The following MED13L variants were observed in gnomAD, a reference collection of about 807,000 sequenced individuals.
MED13L encodes mediator complex subunit 13L.
In MED13L, 7 loss-of-function variants were observed where a neutral mutation model predicts 220.9. The ratio of observed to expected loss-of-function variants is 0.03; its 90% CI spans 0.02 to 0.06. The LOEUF is 0.06. Ranked by LOEUF, MED13L falls within the 10% of genes least tolerant of loss-of-function variation. MED13L has a pLI of 1.00. For synonymous variants in MED13L, 1,011 were observed against 1,015.2 expected, an observed-to-expected ratio of 1.00 and a Z score of 0.08; for missense variants, 1,965 against 2,760.5, an observed-to-expected ratio of 0.71 and a Z score of 6.46.
Position 116,039,016 on chromosome 12 carries a change from C to A in MED13L, c.480-16415G>T, listed in dbSNP as rs201806508. ...GGACCCATGTTCGTATTCTTCCCCCCACACTCCAATTCTATCTAAAAAACT... is the reference window on the plus strand; with the variant it reads ...GGACCCATGTTCGTATTCTTCCCCCAACACTCCAATTCTATCTAAAAAACT... On this transcript the variant is annotated intron_variant, in intron 4 of 30. Transcript: ENST00000281928. Among the ~76,000 whole-genome samples the A allele has an allele frequency of 9.9e-5, 15 of 152,196 alleles. No individual in the cohort carries two copies. In the East Asian group the frequency reaches 2.7e-3, roughly 27 times the overall value.
At chr12:116,220,978 TAAC>T (rs1296847322) in intron 2 of MED13L, among the ~76,000 whole-genome samples, 1 of 152,162 alleles carries the variant, frequency 6.6e-6, no homozygotes, top group Non-Finnish European at 1.5e-5. Context: ...TAGGTTAAGT[TAAC>T]AATCTCGATG....
intron 2 of MED13L, among the ~76,000 whole-genome samples, chr12:116,136,666 C>G (rs558891438): frequency 6.6e-6 from 1 of 152,158 alleles, no homozygotes; most frequent in Non-Finnish European, 1.5e-5. Flanking sequence ...AACCTGCGTT[C>G]AAGTAAACAT....
At chr12:116,167,416 T>C (rs1879361336) in intron 2 of MED13L, among the ~76,000 whole-genome samples, 1 of 152,196 alleles carries the variant, frequency 6.6e-6, no homozygotes, top group South Asian at 2.1e-4. Context: ...GACAGGCCAG[T>C]AGATACTGTG....
At chr12:115,965,983 A>G (rs1592893806) in intron 29 of MED13L, 99 bp downstream of exon 29, 8 of 1,412,690 alleles carry the variant, frequency 5.7e-6, no homozygotes, top group Admixed American at 5.2e-5. Context: ...AAGGAACAGA[A>G]TAAGATTATG....
At chr12:116,151,088 CAGAAGATTA>C (rs1185651873) in intron 2 of MED13L, among the ~76,000 whole-genome samples, 1 of 151,774 alleles carries the variant, frequency 6.6e-6, no homozygotes, top group Non-Finnish European at 1.5e-5. Context: ...TTCAGAGGAC[CAGAAGATTA>C]AGAGGGGGGA....
chr12:116,274,793 A>C (rs1277928696), intron 1 of MED13L, among the ~76,000 whole-genome samples: 1 of 152,104 alleles, frequency 6.6e-6, no homozygotes, highest in African/African-American at 2.4e-5. Context: ...CAAAGTTGCT[A>C]CTTAAAAAAT....
At chr12:115,995,306 A>T (rs571166365) in intron 16 of MED13L, among the ~76,000 whole-genome samples, 4 of 152,300 alleles carry the variant, frequency 2.6e-5, no homozygotes, top group African/African-American at 9.6e-5. Context: ...CATTTCATCT[A>T]TATATTGCTT....
intron 2 of MED13L, among the ~76,000 whole-genome samples, chr12:116,183,213 T>C (rs200627685): frequency 1.3e-5 from 2 of 152,292 alleles, no homozygotes; most frequent in African/African-American, 4.8e-5. Context: ...GGGAAATAAA[T>C]TCACAGTGGT....
At chr12:115,987,810 G>C (rs1285239177) in intron 17 of MED13L, among the ~76,000 whole-genome samples, 1 of 152,216 alleles carries the variant, frequency 6.6e-6, no homozygotes, top group Non-Finnish European at 1.5e-5. Context: ...GAGGCACAGG[G>C]AAACACAGCT....
intron 2 of MED13L, among the ~76,000 whole-genome samples, chr12:116,185,007 T>C (rs1880781223): frequency 6.6e-6 from 1 of 152,150 alleles, no homozygotes; most frequent in Admixed American, 6.5e-5. Flanking sequence ...TCATAGACAT[T>C]CTAAGAAAAT....
intron 2 of MED13L, among the ~76,000 whole-genome samples, chr12:116,169,921 G>A (rs1039007055): frequency 1.3e-5 from 2 of 152,192 alleles, no homozygotes; most frequent in Non-Finnish European, 2.9e-5. Context: ...GGAGGCTAAG[G>A]TGGAAGGATT....
intron 4 of MED13L, among the ~76,000 whole-genome samples, chr12:116,057,490 G>A (rs1869074835): frequency 6.6e-6 from 1 of 151,468 alleles, no homozygotes; most frequent in African/African-American, 2.4e-5. Flanking sequence ...CTGACTGATG[G>A]CAGAATATTC....
intron 4 of MED13L, among the ~76,000 whole-genome samples, chr12:116,040,052 CACA>C (rs1456686713): frequency 2.0e-5 from 3 of 152,160 alleles, no homozygotes; most frequent in Non-Finnish European, 2.9e-5. Flanking sequence ...AAACAAATGC[CACA>C]ACGTTTTCTG....
At chr12:115,992,560 G>T (rs1878135984) in intron 16 of MED13L, among the ~76,000 whole-genome samples, 1 of 152,232 alleles carries the variant, frequency 6.6e-6, no homozygotes, top group African/African-American at 2.4e-5. Flanking sequence ...ATAGTAATGA[G>T]TGACCATGAG....
chr12:116,247,072 G>A (rs1276870528), intron 1 of MED13L, among the ~76,000 whole-genome samples: 1 of 152,132 alleles, frequency 6.6e-6, no homozygotes, highest in Non-Finnish European at 1.5e-5. Context: ...TATGACCTCA[G>A]TATTTAGAAA....
rs146885380 is a variant in MED13L, at chr12:116,177,545, A to C, written c.310+59923T>G. ...CTTTGCCTTAAATCTCAGTCATTTCACATGAAAGTTTCTCAAATAATAATG... is the reference window on the plus strand; with the variant it reads ...CTTTGCCTTAAATCTCAGTCATTTCCCATGAAAGTTTCTCAAATAATAATG... On this transcript the variant is annotated intron_variant, in intron 2 of 30. Transcript: ENST00000281928. Among the ~76,000 whole-genome samples the C allele has an allele frequency of 2.5e-4, 38 of 152,336 alleles. No homozygotes were observed. The East Asian group carries it at 7.3e-3, about 29-fold the overall frequency.
chr12:116,245,267 A>G (rs1871000001), intron 1 of MED13L, among the ~76,000 whole-genome samples: 2 of 152,194 alleles, frequency 1.3e-5, no homozygotes, highest in African/African-American at 4.8e-5. Context: ...GGAATTTGGA[A>G]AAGTCTTCTC....
chr12:115,967,565 G>T (rs1876268337), intron 28 of MED13L, among the ~76,000 whole-genome samples: 2 of 152,146 alleles, frequency 1.3e-5, no homozygotes, highest in Non-Finnish European at 2.9e-5. Context: ...CCAATTCTTT[G>T]TTAATGCATA....
At chr12:116,245,093 G>A (rs1870983104) in intron 1 of MED13L, among the ~76,000 whole-genome samples, 1 of 152,172 alleles carries the variant, frequency 6.6e-6, no homozygotes, top group African/African-American at 2.4e-5. Context: ...ACAGTAAACA[G>A]AGGGTACCTG....
Sources: allele counts gnomAD v4.1 joint callset (sites outside exome capture counted in the v4.1 genomes callset), GRCh38; gene constraint gnomAD v4.1.1; transcripts MANE v1.5; gene names NCBI Gene and HGNC (gene_info 2026-07-23, HGNC 2026-07-21).